RBFOX1: variants seen among roughly 807,000 people sequenced by gnomAD.
RBFOX1 encodes RNA binding protein fox-1 homolog 1.
RBFOX1 carries 8 observed loss-of-function variants against 57.7 expected under a neutral mutation model. The ratio of observed to expected loss-of-function variants is 0.14; its 90% confidence interval spans 0.08 to 0.25. The LOEUF (loss-of-function observed/expected upper bound fraction) is 0.25. RBFOX1 is among the 10% of genes least tolerant of loss of function. RBFOX1 has a pLI of 1.00. For missense variants in RBFOX1, 611 were observed against 548.5 expected (o/e 1.11, Z -1.14); for synonymous variants, 326 against 222.4 (o/e 1.47, Z -4.15).
intron 2 of RBFOX1, among the ~76,000 whole-genome samples, chr16:6,338,667 C>G (rs1243892176): frequency 6.6e-6 from 1 of 152,114 alleles, no homozygotes; most frequent in Non-Finnish European, 1.5e-5. Context: ...TATGTAATTC[C>G]AAATTCATTC....
At chr16:7,228,512 G>A (rs927020284) in intron 4 of RBFOX1, among the ~76,000 whole-genome samples, 14 of 152,132 alleles carry the variant, frequency 9.2e-5, no homozygotes, top group African/African-American at 3.4e-4. Flanking sequence ...CATAAAGATG[G>A]TTAATAGCAA....
At chr16:7,026,510 G>C (rs571669095) in intron 3 of RBFOX1, among the ~76,000 whole-genome samples, 1 of 151,534 alleles carries the variant, frequency 6.6e-6, no homozygotes, top group Non-Finnish European at 1.5e-5. Context: ...TCTTCTCTCT[G>C]TTTCTATCTC....
chr16:6,850,117 C>T (rs954289587), intron 3 of RBFOX1, among the ~76,000 whole-genome samples: 13 of 152,154 alleles, frequency 8.5e-5, no homozygotes, highest in African/African-American at 1.7e-4. Context: ...TTCTTGGATT[C>T]TAAAGTAAAC....
At chr16:6,996,639 C>G (rs909325274) in intron 3 of RBFOX1, among the ~76,000 whole-genome samples, 4 of 152,154 alleles carry the variant, frequency 2.6e-5, no homozygotes, top group African/African-American at 9.7e-5. Flanking sequence ...CAGTGACGCA[C>G]AAAGAAGCTA....
rs144806647 is a variant in RBFOX1 at position 6,496,956 on chromosome 16, G to A, written c.-63-157647G>A. Reference sequence around the variant, plus strand: ...GCCTGGGCAACAAGAGAGAAACTCCGTCTTCGGAAAAAAAGACAAAAAGAA... The same window carrying A: ...GCCTGGGCAACAAGAGAGAAACTCCATCTTCGGAAAAAAAGACAAAAAGAA... On this transcript the variant is annotated intron_variant, in intron 2 of 15. Transcript: ENST00000550418. 6.0e-3 allele frequency among the ~76,000 whole-genome samples: 908 copies of A among 151,874 alleles called. 4 individuals carry two copies. The highest frequency in any genetic ancestry group is 0.048 in the Middle Eastern group (14 of 294).
At chr16:6,704,957 A>G (rs567694401) in intron 3 of RBFOX1, 15 of 152,188 alleles carry the variant, frequency 9.9e-5, no homozygotes, top group Admixed American at 5.2e-4. Context: ...GTCGTGCCAG[A>G]TTCTTTATTT....
chr16:6,731,735 C>T (rs1027059462), intron 3 of RBFOX1, among the ~76,000 whole-genome samples: 1 of 152,086 alleles, frequency 6.6e-6, no homozygotes, highest in Non-Finnish European at 1.5e-5. Flanking sequence ...CTTCTTAGTC[C>T]ATCCTTTATT....
chr16:6,037,403 A>C (rs902116369), intron 1 of RBFOX1: 1 of 152,036 alleles, frequency 6.6e-6, no homozygotes, highest in Non-Finnish European at 1.5e-5. Flanking sequence ...TTCCTGGTAC[A>C]ACATTTAATT....
intron 5 of RBFOX1, among the ~76,000 whole-genome samples, chr16:7,567,551 C>G (rs2092133730): frequency 1.4e-5 from 1 of 71,640 alleles, no homozygotes; most frequent in Non-Finnish European, 3.5e-5. Flanking sequence ...ATATGTATAT[C>G]CCTATATATG....
intron 3 of RBFOX1, among the ~76,000 whole-genome samples, chr16:6,656,144 G>A (rs867372443): frequency 2.6e-5 from 4 of 152,246 alleles, no homozygotes; most frequent in African/African-American, 4.8e-5. Context: ...TGCTGCTTAG[G>A]TGAAGCGTGT....
chr16:5,638,516 C>T (rs944229505), intron 3 of RBFOX1, among the ~76,000 whole-genome samples: 4 of 152,148 alleles, frequency 2.6e-5, no homozygotes, highest in South Asian at 2.1e-4. Flanking sequence ...TCACCTGCCA[C>T]CCCCAGTCCC....
chr16:6,095,266 T>A (rs1053668718), intron 1 of RBFOX1, among the ~76,000 whole-genome samples: 2 of 152,216 alleles, frequency 1.3e-5, no homozygotes, highest in Admixed American at 6.5e-5. Flanking sequence ...AGGGTGAATA[T>A]ACAAATAAGT....
chr16:5,454,475 A>G (rs2068519368), intron 1 of RBFOX1, among the ~76,000 whole-genome samples: 1 of 152,210 alleles, frequency 6.6e-6, no homozygotes, highest in South Asian at 2.1e-4. Context: ...TAAGGCATTA[A>G]TATTGAAATT....
chr16:6,891,913 T>C (rs1009328747), intron 3 of RBFOX1, among the ~76,000 whole-genome samples: 2 of 152,176 alleles, frequency 1.3e-5, no homozygotes, highest in Non-Finnish European at 2.9e-5. Context: ...TTTCTTCCCT[T>C]TCTTTCCAGC....
At chr16:6,365,312 T>TTGGATGGG (rs1187586134) in intron 2 of RBFOX1, among the ~76,000 whole-genome samples, 7 of 141,978 alleles carry the variant, frequency 4.9e-5, no homozygotes, top group Non-Finnish European at 9.3e-5. Context: ...GGATGGATGT[T>TTGGATGGG]TGGATGGGTG....
chr16:6,598,674 G>T (rs889732822), intron 2 of RBFOX1, among the ~76,000 whole-genome samples: 1 of 152,244 alleles, frequency 6.6e-6, no homozygotes, highest in African/African-American at 2.4e-5. Context: ...CTGGCTGGGC[G>T]TGGTGGCTCA....
chr16:5,953,234 A>C (rs1419605257), intron 4 of RBFOX1, among the ~76,000 whole-genome samples: 4 of 152,214 alleles, frequency 2.6e-5, no homozygotes, highest in Non-Finnish European at 5.9e-5. Flanking sequence ...CCCTCAGATA[A>C]GGCCATCAGA....
intron 1 of RBFOX1, among the ~76,000 whole-genome samples, chr16:5,437,208 G>C (rs548355273): frequency 2.6e-5 from 4 of 152,318 alleles, no homozygotes; most frequent in Non-Finnish European, 4.4e-5. Flanking sequence ...AGAAGTGAAA[G>C]GTGAGGCAGG....
At chr16:6,884,953 C>T (rs1050968983) in intron 3 of RBFOX1, among the ~76,000 whole-genome samples, 7 of 152,154 alleles carry the variant, frequency 4.6e-5, no homozygotes, top group African/African-American at 1.7e-4. Flanking sequence ...AATCGTAAAA[C>T]TGAGACCGCA....
Sources: gnomAD v4.1 joint callset for allele counts (sites outside exome capture counted in the v4.1 genomes callset) on GRCh38, gnomAD v4.1.1 for gene constraint, MANE v1.5 for transcripts, NCBI Gene and HGNC (gene_info 2026-07-23, HGNC 2026-07-21) for gene names.